TMEM119: variants seen among roughly 807,000 people sequenced by gnomAD.
TMEM119 encodes osteoblast induction factor.
For missense variants in TMEM119, 410 were observed against 381.0 expected, an observed-to-expected ratio of 1.08 and a Z score of -0.63; for synonymous variants, 182 against 176.4, an observed-to-expected ratio of 1.03 and a Z score of -0.25.
Position 108,597,220 on chromosome 12 carries a change from G to A in TMEM119, c.-15+750C>T, listed in dbSNP as rs534882146. ...GAGTGCAGATGCACCCCTGAGGCCT[G>A]GGGGCCCCAAGACTTGAAGCTAGGG... On this transcript the variant is annotated intron_variant, in intron 1 of 1. Transcript: ENST00000392806. Among the ~76,000 whole-genome samples, 3 of 152,266 alleles carry A rather than the reference G, an allele frequency of 2.0e-5. No individual in the cohort carries two copies. In the East Asian group the frequency reaches 5.8e-4, roughly 29 times the overall value.
In TMEM119 at chr12:108,591,748, G is replaced by T. The variant is rs200950010; in HGVS notation, c.636C>A (p.Ser212Arg). ...CCTGGACTTCCTGGTCCCCCTCCTG[G>T]CTGCCCTTCTCCTCTTCCTCTGCGC... ...GRGAEEEEKG[S>R]QEGDQEVQGH... is the part of the protein sequence containing the mutation. Residue 212 changes from serine (S) to arginine (R), a missense_variant, in exon 2 of 2, where the codon AGC becomes AGA. Coordinates refer to ENST00000392806, the MANE Select transcript of TMEM119 (RefSeq NM_181724.3). The surrounding 1 kb of genome is among the most constrained non-coding windows in gnomAD (Gnocchi z 4.2). 1.5e-3 allele frequency: 2,414 copies of T among 1,603,290 alleles called. 32 individuals are homozygous for T. Among genetic ancestry groups the T allele is most frequent in the Non-Finnish European group, 3.4e-4 (403 of 1,174,060 alleles).
At chr12:108,596,226 C>T (rs1053013285) in intron 1 of TMEM119, among the ~76,000 whole-genome samples, 5 of 152,120 alleles carry the variant, frequency 3.3e-5, no homozygotes, top group African/African-American at 9.7e-5. Context: ...CACCCTGAGT[C>T]GACAAATGAG....
intron 1 of TMEM119, among the ~76,000 whole-genome samples, chr12:108,595,613 C>G (rs1450006038): frequency 6.6e-6 from 1 of 151,788 alleles, no homozygotes; most frequent in African/African-American, 2.4e-5. Flanking sequence ...ATGCACACAC[C>G]ACACATATAT....
rs778602157 is a variant in TMEM119 at position 108,592,033 on chromosome 12, G to A, written c.351C>T (p.Ile117=). The part of the protein sequence containing the change: ...LLMFIVCAAV[I]TRQKQKASAY... ...CCGAGGCCTTCTGCTTCTGCCGGGT[G>A]ATGACCGCGGCACAGACGATGAACA... Residue 117 remains isoleucine, a synonymous_variant, in exon 2 of 2, where the codon ATC becomes ATT. Transcript: ENST00000392806. This position sits in a 1 kb window ranked among gnomAD's most constrained non-coding sequence, Gnocchi z 4.3. 6.2e-7 allele frequency: 1 copy of A among 1,614,162 alleles called. No homozygotes were observed. Among genetic ancestry groups the A allele is most frequent in the Non-Finnish European group, 8.5e-7 (1 of 1,180,014 alleles).
chr12:108,591,247 G>A lies in TMEM119; in HGVS notation c.*285C>T. 2.7e-6 allele frequency: 1 copy of A among 365,310 alleles called. No individual in the cohort carries two copies. The highest frequency in any genetic ancestry group is 4.9e-6 in the Non-Finnish European group (1 of 204,266). The allele number at this position is 365,310 out of a possible 1,614,324, so 22.6% of individuals were successfully genotyped here. On this transcript the variant is annotated 3_prime_UTR_variant, in exon 2 of 2. Coordinates refer to ENST00000392806, the MANE Select transcript of TMEM119 (RefSeq NM_181724.3). This position sits in a 1 kb window ranked among gnomAD's most constrained non-coding sequence, Gnocchi z 4.2. ...CCTTGAGGGATGTTTTATCCTGGCT[G>A]TCACAGGGACACGTGCCCTCCCTCA...
At position 108,591,536 on chromosome 12, in the gene TMEM119, A is replaced by T; in HGVS notation, c.848T>A (p.Val283Asp). 6.3e-7 allele frequency: 1 copy of T among 1,599,318 alleles called. No homozygotes were observed. Among genetic ancestry groups the T allele is most frequent in the Non-Finnish European group, 8.5e-7 (1 of 1,172,574 alleles). Residue 283 changes from valine to aspartate, a missense_variant, in exon 2 of 2, where the codon GTC becomes GAC. By Grantham distance (152) the Val-to-Asp change is radical (BLOSUM62 -3). Coordinates refer to ENST00000392806, the MANE Select transcript of TMEM119 (RefSeq NM_181724.3). The surrounding 1 kb of genome is among the most constrained non-coding windows in gnomAD (Gnocchi z 4.2). ...PCACSSVHPS[V>D] ...GCTGGCAGCCCGGGAGGACTGTTAGACACTGGGGTGGACACTGCTGCAAGC... is the reference window on the plus strand; with the variant it reads ...GCTGGCAGCCCGGGAGGACTGTTAGTCACTGGGGTGGACACTGCTGCAAGC...
rs2031437677 is a variant in TMEM119 at position 108,592,803 on chromosome 12, G to T, written c.-14-406C>A. Among the ~76,000 whole-genome samples the T allele has an allele frequency of 6.6e-6, 1 of 152,166 alleles. No individual in the cohort carries two copies. Among genetic ancestry groups the T allele is most frequent in the South Asian group, 2.1e-4 (1 of 4,828 alleles). On this transcript the variant is annotated intron_variant, in intron 1 of 1. Coordinates refer to ENST00000392806, the MANE Select transcript of TMEM119 (RefSeq NM_181724.3). This position sits in a 1 kb window ranked among gnomAD's most constrained non-coding sequence, Gnocchi z 4.3. ...TCCTGATCACTGCCCAGTGTGGGAAGTTCTATGATTAGGCCCATTTTGCAG... is the reference window on the plus strand; with the variant it reads ...TCCTGATCACTGCCCAGTGTGGGAATTTCTATGATTAGGCCCATTTTGCAG...
rs758127769 is a variant in TMEM119, at chr12:108,592,204, C to T, written c.180G>A (p.Pro60=). Residue 60 remains proline, a synonymous_variant, in exon 2 of 2, where the codon CCG becomes CCA. Coordinates refer to ENST00000392806, the MANE Select transcript of TMEM119 (RefSeq NM_181724.3). The surrounding 1 kb of genome is among the most constrained non-coding windows in gnomAD (Gnocchi z 4.3). ...GCCCCATCGATGTGGGGCTGAGGGC[C>T]GGGGTCCAGGGTGGCGGGAGGCTCG... ...SSPSLPPPWT[P]ALSPTSMGPQ... 13 of 1,612,944 alleles carry T rather than the reference C, an allele frequency of 8.1e-6. No homozygotes were observed. Among genetic ancestry groups the T allele is most frequent in the East Asian group, 4.5e-5 (2 of 44,822 alleles).
In TMEM119 at chr12:108,591,499, C is replaced by T. The variant is rs377187768; in HGVS notation, c.*33G>A. 7.1e-6 allele frequency: 11 copies of T among 1,539,646 alleles called. No homozygotes were observed. Among genetic ancestry groups the T allele is most frequent in the Non-Finnish European group, 8.7e-6 (10 of 1,144,258 alleles). ...CACGGGGAGGTGACCACTTGGGGGC[C>T]CGACAGTCAGGGCTGGCAGCCCGGG... On this transcript the variant is annotated 3_prime_UTR_variant, in exon 2 of 2. Transcript: ENST00000392806. This position sits in a 1 kb window ranked among gnomAD's most constrained non-coding sequence, Gnocchi z 4.2.
chr12:108,591,721 T>G lies in TMEM119; in HGVS notation c.663A>C (p.Gly221=). Residue 221 remains glycine (G), a synonymous_variant, in exon 2 of 2, where the codon GGA becomes GGC. Coordinates refer to ENST00000392806, the MANE Select transcript of TMEM119 (RefSeq NM_181724.3). This position sits in a 1 kb window ranked among gnomAD's most constrained non-coding sequence, Gnocchi z 4.2. ...CTGGTGTCTCCACTGGGACCCCATG[T>G]CCCTGGACTTCCTGGTCCCCCTCCT... The part of the protein sequence containing the change: ...GSQEGDQEVQ[G]HGVPVETPEA... The G allele has an allele frequency of 6.2e-7, 1 of 1,609,358 alleles. No homozygotes were observed. Among genetic ancestry groups the G allele is most frequent in the Non-Finnish European group, 8.5e-7 (1 of 1,177,628 alleles).
Position 108,592,267 on chromosome 12 carries a change from C to A in TMEM119, c.117G>T (p.Ala39=). ...PLKATFLEDV[A]GSGEAEGSSA... The stretch of plus-strand genomic sequence containing the variant: ...ACGAGCCCTCGGCCTCCCCACTACC[C>A]GCCACATCCTCCAGGAACGTGGCCT... The change falls in exon 2 of 2, where the codon GCG becomes GCT. Residue 39 remains alanine, a synonymous_variant. Transcript: ENST00000392806. The surrounding 1 kb of genome is among the most constrained non-coding windows in gnomAD (Gnocchi z 4.3). 6.2e-7 allele frequency: 1 copy of A among 1,608,938 alleles called. No homozygotes were observed. The highest frequency in any genetic ancestry group is 1.7e-5 in the Admixed American group (1 of 59,554).
rs2031396090 is a variant in TMEM119 at position 108,591,537 on chromosome 12, C to T, written c.847G>A (p.Val283Ile). Reference sequence around the variant, plus strand: ...CTGGCAGCCCGGGAGGACTGTTAGACACTGGGGTGGACACTGCTGCAAGCA... The same window carrying T: ...CTGGCAGCCCGGGAGGACTGTTAGATACTGGGGTGGACACTGCTGCAAGCA... ...PCACSSVHPS[V>I] The change falls in exon 2 of 2, where the codon GTC becomes ATC. Residue 283 changes from valine (V) to isoleucine (I), a missense_variant. Transcript: ENST00000392806. This position sits in a 1 kb window ranked among gnomAD's most constrained non-coding sequence, Gnocchi z 4.2. The T allele has an allele frequency of 8.8e-6, 14 of 1,599,602 alleles. No homozygotes were observed. The highest frequency in any genetic ancestry group is 1.2e-5 in the Non-Finnish European group (14 of 1,172,694).
rs202053237 is a variant in TMEM119 at position 108,591,521 on chromosome 12, C to T, written c.*11G>A. ...GGCCCGACAGTCAGGGCTGGCAGCC[C>T]GGGAGGACTGTTAGACACTGGGGTG... is the stretch of plus-strand genomic sequence containing the variant. On this transcript the variant is annotated 3_prime_UTR_variant, in exon 2 of 2. Coordinates refer to ENST00000392806, the MANE Select transcript of TMEM119 (RefSeq NM_181724.3). The surrounding 1 kb of genome is among the most constrained non-coding windows in gnomAD (Gnocchi z 4.2). 74 of 1,570,542 alleles carry T rather than the reference C, an allele frequency of 4.7e-5. No homozygotes were observed. Among genetic ancestry groups the T allele is most frequent in the Non-Finnish European group, 5.9e-5 (68 of 1,157,154 alleles).
chr12:108,591,375 T>A lies in TMEM119; in HGVS notation c.*157A>T, dbSNP rs77620385. The A allele has an allele frequency of 7.3e-3, 6,507 of 893,122 alleles. 276 individuals are homozygous for A. In the African/African-American group the frequency reaches 0.095, roughly 13 times the overall value. The allele number at this position is 893,122 out of a possible 1,614,324, so 55.3% of individuals were successfully genotyped here. On this transcript the variant is annotated 3_prime_UTR_variant, in exon 2 of 2. Coordinates refer to ENST00000392806, the MANE Select transcript of TMEM119 (RefSeq NM_181724.3). This position sits in a 1 kb window ranked among gnomAD's most constrained non-coding sequence, Gnocchi z 4.2. Reference sequence around the variant, plus strand: ...TCCTCCGGGGCACCGGGGACCAGCATTTCTGCCTGCTGTAGAATCAGCACA... The same window carrying A: ...TCCTCCGGGGCACCGGGGACCAGCAATTCTGCCTGCTGTAGAATCAGCACA...
At chr12:108,597,550 C>A (rs1278084074) in intron 1 of TMEM119, among the ~76,000 whole-genome samples, 1 of 151,956 alleles carries the variant, frequency 6.6e-6, no homozygotes, top group Non-Finnish European at 1.5e-5. Context: ...AGACACCCAA[C>A]AGCACTCTCA....
At chr12:108,594,998 C>A (rs73191225) in intron 1 of TMEM119, among the ~76,000 whole-genome samples, 2 of 152,222 alleles carry the variant, frequency 1.3e-5, no homozygotes, top group Non-Finnish European at 2.9e-5. Flanking sequence ...CTCATCTAAG[C>A]CCTTTTCATG....
intron 1 of TMEM119, among the ~76,000 whole-genome samples, chr12:108,596,205 C>T (rs935936060): frequency 6.6e-6 from 1 of 152,128 alleles, no homozygotes; most frequent in African/African-American, 2.4e-5. Flanking sequence ...CAGGTTCAGC[C>T]AGCAATTTCC....
At chr12:108,597,300 G>A (rs923064514) in intron 1 of TMEM119, among the ~76,000 whole-genome samples, 4 of 152,072 alleles carry the variant, frequency 2.6e-5, no homozygotes, top group East Asian at 1.9e-4. Context: ...GGGGAGGGGC[G>A]GCCCACGGAA....
rs1565881700 is a variant in TMEM119 at position 108,591,621 on chromosome 12, C to T, written c.763G>A (p.Gly255Arg). 2 of 1,613,996 alleles carry T rather than the reference C, an allele frequency of 1.2e-6. No individual in the cohort carries two copies. Among genetic ancestry groups the T allele is most frequent in the Admixed American group, 1.7e-5 (1 of 60,016 alleles). Residue 255 changes from glycine to arginine, a missense_variant, in exon 2 of 2, where the codon GGG becomes AGG. Gly to Arg is a moderately radical substitution (Grantham distance 125). Transcript: ENST00000392806. This position sits in a 1 kb window ranked among gnomAD's most constrained non-coding sequence, Gnocchi z 4.2. ...GCTTCCTGGGCTAACAAGAGAGACCCTTCCAGCTCCCCTTGGCCCTCACCG... is the reference window on the plus strand; with the variant it reads ...GCTTCCTGGGCTAACAAGAGAGACCTTTCCAGCTCCCCTTGGCCCTCACCG... The part of the protein sequence containing the change: ...VAGEGQGELE[G>R]SLLLAQEAQG...
Sources: gnomAD v4.1 joint callset for allele counts (sites outside exome capture counted in the v4.1 genomes callset) on GRCh38, gnomAD v4.1.1 for gene constraint, Gnocchi (gnomAD v3.1) non-coding constraint, MANE v1.5 for transcripts, NCBI Gene and HGNC (gene_info 2026-07-23, HGNC 2026-07-21) for gene names.